Variants in C10orf90 observed in about 807,000 individuals in gnomAD.
C10orf90 encodes (E2-independent) E3 ubiquitin-conjugating enzyme FATS.
In C10orf90, 56 loss-of-function variants were observed where a neutral mutation model predicts 62.5. The observed-to-expected ratio is 0.90, with a 90% CI of 0.72 to 1.12. The LOEUF is 1.12. C10orf90 is among the 50% of genes most tolerant of loss of function. C10orf90 has a pLI of 0.00. For synonymous variants in C10orf90, 386 were observed against 340.4 expected (o/e 1.13, Z -1.47); for missense variants, 970 against 880.4 (o/e 1.10, Z -1.29).
At chr10:126,642,778 C>T (rs959909719) in intron 2 of C10orf90, among the ~76,000 whole-genome samples, 5 of 152,112 alleles carry the variant, frequency 3.3e-5, no homozygotes, top group African/African-American at 4.8e-5. Context: ...CCAGCTGCTT[C>T]GCGAGCATCT....
At chr10:126,517,263 G>A (rs185829883) in intron 2 of C10orf90, among the ~76,000 whole-genome samples, 4 of 152,238 alleles carry the variant, frequency 2.6e-5, no homozygotes, top group Admixed American at 2.0e-4. Context: ...GAAAGAAAAA[G>A]CCTATGAACC....
intron 1 of C10orf90, among the ~76,000 whole-genome samples, chr10:126,663,628 C>T (rs887668615): frequency 3.9e-5 from 6 of 152,096 alleles, no homozygotes; most frequent in African/African-American, 1.4e-4. Flanking sequence ...CTCTCTGACT[C>T]ACATCTGCCC....
At chr10:126,442,182 A>G (rs1219538472) in intron 7 of C10orf90, among the ~76,000 whole-genome samples, 1 of 151,936 alleles carries the variant, frequency 6.6e-6, no homozygotes, top group African/African-American at 2.4e-5. Flanking sequence ...ATAAGGACTC[A>G]CATAAACTTA....
chr10:126,442,621 T>C (rs1049799602), intron 7 of C10orf90, among the ~76,000 whole-genome samples: 3 of 113,324 alleles, frequency 2.6e-5, no homozygotes, highest in Admixed American at 9.3e-5. Context: ...TCCCTACTAT[T>C]ATTGTGTGTG....
At chr10:126,598,396 A>G (rs532515306) in intron 2 of C10orf90, among the ~76,000 whole-genome samples, 2 of 152,072 alleles carry the variant, frequency 1.3e-5, no homozygotes, top group East Asian at 3.9e-4. Context: ...TCCTCTTGAC[A>G]TCTTTTTTTT....
chr10:126,598,426 C>A (rs1004359373), intron 2 of C10orf90, among the ~76,000 whole-genome samples: 1 of 152,012 alleles, frequency 6.6e-6, no homozygotes, highest in African/African-American at 2.4e-5. Context: ...TATATGATGC[C>A]CATATGAGAA....
intron 2 of C10orf90, among the ~76,000 whole-genome samples, chr10:126,581,534 C>T (rs983830680): frequency 6.6e-6 from 1 of 152,128 alleles, no homozygotes; most frequent in East Asian, 1.9e-4. Flanking sequence ...GTCATGTTTC[C>T]TCTCTTCTCC....
At chr10:126,565,276 T>TATGTAATATA (rs1844338534) in intron 2 of C10orf90, among the ~76,000 whole-genome samples, 1 of 59,642 alleles carries the variant, frequency 1.7e-5, no homozygotes. Flanking sequence ...TATTATATAT[T>TATGTAATATA]ATATTATATA....
intron 2 of C10orf90, among the ~76,000 whole-genome samples, chr10:126,630,368 TGGGATAGGCAA>T (rs1167046488): frequency 2.6e-5 from 4 of 151,852 alleles, no homozygotes; most frequent in Admixed American, 1.3e-4. Context: ...TCATGGGGGT[TGGGATAGGCAA>T]GGGAGGAGGG....
At chr10:126,630,020 T>C (rs548310892) in intron 2 of C10orf90, among the ~76,000 whole-genome samples, 1 of 152,346 alleles carries the variant, frequency 6.6e-6, no homozygotes, top group Admixed American at 6.5e-5. Flanking sequence ...CTATATGACA[T>C]TGCTCATATT....
At chr10:126,518,981 G>C (rs182233558) in intron 2 of C10orf90, among the ~76,000 whole-genome samples, 2 of 152,342 alleles carry the variant, frequency 1.3e-5, no homozygotes, top group African/African-American at 4.8e-5. Flanking sequence ...GCCCTGAGCT[G>C]AGAGATAAAG....
At chr10:126,431,320 A>T (rs560137172) in intron 7 of C10orf90, among the ~76,000 whole-genome samples, 1 of 152,202 alleles carries the variant, frequency 6.6e-6, no homozygotes, top group African/African-American at 2.4e-5. Context: ...TACACTAGGT[A>T]TGAGGCCTCT....
intron 1 of C10orf90, among the ~76,000 whole-genome samples, chr10:126,658,786 G>A (rs968660427): frequency 2.0e-5 from 3 of 151,816 alleles, no homozygotes; most frequent in African/African-American, 7.3e-5. Flanking sequence ...TGATTGAAAT[G>A]GGGTCTCACT....
In C10orf90 at chr10:126,556,174, T is replaced by C. The variant is rs59097086; in HGVS notation, c.314-42235A>G. The stretch of plus-strand genomic sequence containing the variant: ...GGGAACCAAAATGGCCGGGGTTGAG[T>C]GCTGTGTCCTGTAACTATAATTTCA... On this transcript the variant is annotated intron_variant, in intron 2 of 9. Transcript: ENST00000488181. Among the ~76,000 whole-genome samples the C allele has an allele frequency of 4.8e-3, 736 of 152,266 alleles. 5 individuals are homozygous for C. The highest frequency in any genetic ancestry group is 0.017 in the African/African-American group (715 of 41,552).
At chr10:126,579,276 T>TTTC (rs1844695118) in intron 2 of C10orf90, among the ~76,000 whole-genome samples, 1 of 63,868 alleles carries the variant, frequency 1.6e-5, no homozygotes, top group African/African-American at 4.4e-5. Flanking sequence ...TCTTTCTTTC[T>TTTC]TTTTTTTTTT....
rs935875809 is a variant in C10orf90 at position 126,441,873 on chromosome 10, T to A, written c.2189-12023A>T. Among the ~76,000 whole-genome samples, 3 of 152,132 alleles carry A rather than the reference T, an allele frequency of 2.0e-5. No homozygotes were observed. In the East Asian group the frequency reaches 5.8e-4, roughly 29 times the overall value. On this transcript the variant is annotated intron_variant, in intron 7 of 9. Transcript: ENST00000488181. ...ACTACCAAGCCACCACTAAAAGAACTCTAAAAGTGCTCTAAATCATGAAAC... is the reference window on the plus strand; with the variant it reads ...ACTACCAAGCCACCACTAAAAGAACACTAAAAGTGCTCTAAATCATGAAAC...
chr10:126,623,436 G>A (rs760976267), intron 2 of C10orf90, among the ~76,000 whole-genome samples: 2 of 152,082 alleles, frequency 1.3e-5, no homozygotes, highest in Non-Finnish European at 2.9e-5. Context: ...ACCTGTATAA[G>A]GTAGTACACC....
intron 2 of C10orf90, among the ~76,000 whole-genome samples, chr10:126,549,283 G>C (rs1864573882): frequency 6.6e-6 from 1 of 152,074 alleles, no homozygotes; most frequent in African/African-American, 2.4e-5. Flanking sequence ...CTAATATCTA[G>C]AATATTTAAA....
chr10:126,556,349 C>T (rs762879181), intron 2 of C10orf90, among the ~76,000 whole-genome samples: 1 of 152,164 alleles, frequency 6.6e-6, no homozygotes, highest in Non-Finnish European at 1.5e-5. Flanking sequence ...CTCCCTTCTC[C>T]CTCCACGTTT....
Sources: allele counts gnomAD v4.1 joint callset (sites outside exome capture counted in the v4.1 genomes callset), GRCh38; gene constraint gnomAD v4.1.1; transcripts MANE v1.5; gene names NCBI Gene and HGNC (gene_info 2026-07-23, HGNC 2026-07-21).